GAREM1: variants seen among roughly 807,000 people sequenced by gnomAD.
GAREM1 encodes GRB2 associated regulator of MAPK1 subtype 1, also known as GRB2-associated and regulator of MAPK protein 1.
In GAREM1, 26 loss-of-function variants were observed where a neutral mutation model predicts 71.3. The observed-to-expected ratio is 0.36, with a 90% CI of 0.27 to 0.51. The LOEUF (loss-of-function observed/expected upper bound fraction) is 0.51, where lower values mean the gene tolerates loss of function less well. Among genes scored for constraint, GAREM1 ranks in the 20% least tolerant of loss-of-function variants. The probability of loss-of-function intolerance (pLI) is 0.95; values close to 1 mark genes in which losing one functional copy is unlikely to be tolerated. For missense variants in GAREM1, 1,026 were observed against 1,103.1 expected, an observed-to-expected ratio of 0.93 and a Z score of 0.99; for synonymous variants, 440 against 433.2, an observed-to-expected ratio of 1.02 and a Z score of -0.20.
At chr18:32,449,892 T>C (rs2048818624) in intron 1 of GAREM1, among the ~76,000 whole-genome samples, 1 of 152,178 alleles carries the variant, frequency 6.6e-6, no homozygotes, top group Non-Finnish European at 1.5e-5. Flanking sequence ...CACCAATGTC[T>C]ACATAAAAAG....
chr18:32,409,057 C>T (rs987471192), intron 1 of GAREM1, among the ~76,000 whole-genome samples: 21 of 152,070 alleles, frequency 1.4e-4, no homozygotes, highest in Non-Finnish European at 3.1e-4. Context: ...CAAGCAGAAA[C>T]CCTCATCTCC....
chr18:32,429,230 T>C (rs1036274545), intron 1 of GAREM1, among the ~76,000 whole-genome samples: 6 of 152,200 alleles, frequency 3.9e-5, no homozygotes, highest in Admixed American at 3.9e-4. Flanking sequence ...CTTAAAACTA[T>C]ATGTCATTCT....
At chr18:32,308,199 A>AT (rs1555633177) in intron 3 of GAREM1, among the ~76,000 whole-genome samples, 3 of 151,116 alleles carry the variant, frequency 2.0e-5, no homozygotes, top group Non-Finnish European at 1.5e-5. Flanking sequence ...TGAGCCTTTG[A>AT]ACTCTTAAAT....
intron 2 of GAREM1, among the ~76,000 whole-genome samples, chr18:32,346,119 T>C (rs2047693945): frequency 1.3e-5 from 2 of 152,188 alleles, no homozygotes; most frequent in Non-Finnish European, 2.9e-5. Flanking sequence ...TTGTGGTCTG[T>C]TTTTATTGCC....
At chr18:32,464,718 G>A (rs569787052) in intron 1 of GAREM1, among the ~76,000 whole-genome samples, 2 of 152,214 alleles carry the variant, frequency 1.3e-5, no homozygotes, top group African/African-American at 4.8e-5. Context: ...AATAAAACCT[G>A]CTGCTACCTA....
At position 32,299,696 on chromosome 18, in the gene GAREM1, G is replaced by C. The variant is rs146208909; in HGVS notation, c.393+10497C>G. ...AAATGATGGGATGTTGTTGATGTTG[G>C]AGCTTATGTTGAAAGCCTGTGAGGT... On this transcript the variant is annotated intron_variant, in intron 3 of 5. Coordinates refer to ENST00000269209, the MANE Select transcript of GAREM1 (RefSeq NM_001242409.2). Among the ~76,000 whole-genome samples, 17 of 152,116 alleles carry C rather than the reference G, an allele frequency of 1.1e-4. No homozygotes were observed. In the East Asian group the frequency reaches 3.3e-3, roughly 29 times the overall value.
intron 3 of GAREM1, among the ~76,000 whole-genome samples, chr18:32,302,859 A>T (rs1474018934): frequency 6.6e-6 from 1 of 152,168 alleles, no homozygotes; most frequent in Non-Finnish European, 1.5e-5. Flanking sequence ...TCCAAAGAAA[A>T]GGTACCGCTG....
At chr18:32,369,938 T>G (rs1165543795) in intron 2 of GAREM1, among the ~76,000 whole-genome samples, 1 of 152,196 alleles carries the variant, frequency 6.6e-6, no homozygotes, top group African/African-American at 2.4e-5. Context: ...ACTGTGAGGT[T>G]TGGGGGATGA....
intron 2 of GAREM1, among the ~76,000 whole-genome samples, chr18:32,317,051 T>G (rs2047384348): frequency 6.6e-6 from 1 of 152,168 alleles, no homozygotes; most frequent in Non-Finnish European, 1.5e-5. Context: ...GTGTGCTGAC[T>G]TCTGTCCTGC....
intron 1 of GAREM1, among the ~76,000 whole-genome samples, chr18:32,394,326 C>T (rs923314737): frequency 2.0e-4 from 31 of 152,064 alleles, no homozygotes; most frequent in African/African-American, 5.8e-4. Context: ...CGCTTGAGCC[C>T]GGGAGGTGGA....
chr18:32,335,843 T>A (rs1461944378), intron 2 of GAREM1, among the ~76,000 whole-genome samples: 2 of 152,238 alleles, frequency 1.3e-5, no homozygotes, highest in African/African-American at 4.8e-5. Flanking sequence ...TCTGGGTTGA[T>A]GCTTAATTGA....
At position 32,470,725 on chromosome 18, in the gene GAREM1, C is replaced by G. The variant is rs1248097254; in HGVS notation, c.-297G>C. On this transcript the variant is annotated 5_prime_UTR_variant, in exon 1 of 6. Transcript: ENST00000269209. This position sits in a 1 kb window ranked among gnomAD's most constrained non-coding sequence, Gnocchi z 4.4. ...GCGGCGGCGGCCCGGGTGGCTGCGG[C>G]GGCTCCCGCTCCGCCTCCTCCTCTG... 1.3e-5 allele frequency among the ~76,000 whole-genome samples: 2 copies of G among 149,684 alleles called. No individual in the cohort carries two copies. Among genetic ancestry groups the G allele is most frequent in the African/African-American group, 2.4e-5 (1 of 41,170 alleles).
intron 2 of GAREM1, among the ~76,000 whole-genome samples, chr18:32,322,131 A>G (rs2047434835): frequency 6.6e-6 from 1 of 152,172 alleles, no homozygotes; most frequent in South Asian, 2.1e-4. Context: ...AAGCCAACAG[A>G]GAAAAAAGAC....
At chr18:32,320,725 A>G (rs187804052) in intron 2 of GAREM1, among the ~76,000 whole-genome samples, 5 of 152,278 alleles carry the variant, frequency 3.3e-5, no homozygotes, top group Admixed American at 3.3e-4. Context: ...TCAAAACTCA[A>G]CCATTCTGGG....
intron 2 of GAREM1, among the ~76,000 whole-genome samples, chr18:32,322,707 A>T (rs2047441621): frequency 6.6e-6 from 1 of 152,224 alleles, no homozygotes; most frequent in Non-Finnish European, 1.5e-5. Flanking sequence ...CTAATAAATG[A>T]TGGCTGAATG....
At chr18:32,458,384 A>C (rs1297124201) in intron 1 of GAREM1, among the ~76,000 whole-genome samples, 2 of 152,076 alleles carry the variant, frequency 1.3e-5, no homozygotes, top group Non-Finnish European at 2.9e-5. Context: ...ATACAATGCA[A>C]GGGAATTCTT....
Position 32,267,695 on chromosome 18 carries a change from T to C in GAREM1, c.*176A>G. On this transcript the variant is annotated 3_prime_UTR_variant, in exon 6 of 6. Transcript: ENST00000269209. ...CAAGTGTTCTGTACAGCATTTTTAT[T>C]GATGTACAAAATAGCCTGTTCACCA... 2 of 585,328 alleles carry C rather than the reference T, an allele frequency of 3.4e-6. No individual in the cohort carries two copies. Among genetic ancestry groups the C allele is most frequent in the Non-Finnish European group, 6.0e-6 (2 of 331,690 alleles). The allele number at this position is 585,328 out of a possible 1,614,324, so 36.3% of individuals were successfully genotyped here. A position where few individuals can be genotyped will look rare whatever the true frequency, so the allele number is the denominator to read the frequency against.
rs2041413525 is a variant in GAREM1 at position 32,268,718 on chromosome 18, C to T, written c.1784G>A (p.Cys595Tyr). Residue 595 changes from cysteine to tyrosine, a missense_variant, in exon 6 of 6, where the codon TGC becomes TAC. Cys to Tyr is a radical substitution (Grantham distance 194, BLOSUM62 -2). Transcript: ENST00000269209. ...TNPSESTPVSCYPCNRVKTDS... is the reference protein window; with the variant it reads ...TNPSESTPVSYYPCNRVKTDS... ...AGTTTTCACTCGGTTACATGGATAG[C>T]AGGAAACAGGAGTGCTTTCAGAAGG... 3 of 1,614,066 alleles carry T rather than the reference C, an allele frequency of 1.9e-6. No homozygotes were observed. The highest frequency in any genetic ancestry group is 2.5e-6 in the Non-Finnish European group (3 of 1,179,984).
At chr18:32,307,755 T>G (rs959801607) in intron 3 of GAREM1, among the ~76,000 whole-genome samples, 18 of 152,164 alleles carry the variant, frequency 1.2e-4, no homozygotes, top group African/African-American at 4.3e-4. Flanking sequence ...ACTCCTGACC[T>G]CAGGTGATCC....
Sources: gnomAD v4.1 joint callset for allele counts (sites outside exome capture counted in the v4.1 genomes callset) on GRCh38, gnomAD v4.1.1 for gene constraint, Gnocchi (gnomAD v3.1) non-coding constraint, MANE v1.5 for transcripts, NCBI Gene and HGNC (gene_info 2026-07-23, HGNC 2026-07-21) for gene names.